VSIG1: variants seen among roughly 807,000 people sequenced by gnomAD.
VSIG1 encodes the protein V-set and immunoglobulin domain containing 1.
A neutral mutation model predicts 20.1 loss-of-function variants in VSIG1; 11 were observed. The ratio of observed to expected loss-of-function variants is 0.55; its 90% confidence interval spans 0.34 to 0.91. VSIG1 has a LOEUF of 0.91. Among genes scored for constraint, VSIG1 ranks in the 40% least tolerant of loss-of-function variants. The pLI is 0.02. For synonymous variants in VSIG1, 126 were observed against 116.7 expected (o/e 1.08, Z -0.52); for missense variants, 283 against 298.8 (o/e 0.95, Z 0.39).
rs755897703 is a variant in VSIG1, at chrX:108,075,317, G to T, written c.689-760G>T. On this transcript the variant is annotated intron_variant, in intron 5 of 6. Transcript: ENST00000217957. ...AAGAGTGGTTGCCTTTCGTGAATGG[G>T]ACTCAGAAACGGGAAGGAGTCGGGC... 3.6e-5 allele frequency among the ~76,000 whole-genome samples: 4 copies of T among 112,358 alleles called. No individual in the cohort carries two copies. The South Asian group carries it at 1.5e-3, about 42-fold the overall frequency.
chrX:108,073,515 T>C (rs960131590), intron 5 of VSIG1, 146 bp downstream of exon 5: 1 of 654,921 alleles, frequency 1.5e-6, no homozygotes, highest in Non-Finnish European at 2.3e-6. Context: ...ATATGATGAA[T>C]GACCATCCTA....
the VSIG1 span, among the ~76,000 whole-genome samples, chrX:108,024,089 T>C: frequency 1.8e-5 from 2 of 111,870 alleles, no homozygotes; most frequent in Non-Finnish European, 3.8e-5. Flanking sequence ...AACAGACAAA[T>C]ACAGAATCTG....
chrX:108,058,262 T>A, intron 2 of VSIG1, 61 bp downstream of exon 2: 1 of 1,078,607 alleles, frequency 9.3e-7, no homozygotes. Context: ...ACTGTTGGGG[T>A]AGAAAAAATG....
intron 1 of VSIG1, among the ~76,000 whole-genome samples, chrX:108,053,431 C>G (rs751180778): frequency 1.8e-5 from 2 of 111,088 alleles, no homozygotes; most frequent in South Asian, 7.6e-4. Flanking sequence ...ATGACTCACA[C>G]ATGAATGTTG....
At chrX:108,019,571 G>T in the VSIG1 span, among the ~76,000 whole-genome samples, 4 of 112,190 alleles carry the variant, frequency 3.6e-5, no homozygotes, top group Non-Finnish European at 7.5e-5. Flanking sequence ...TTGGCCCACA[G>T]TGTCTGCAGC....
At chrX:108,066,670 G>T (rs1307593690) in intron 2 of VSIG1, among the ~76,000 whole-genome samples, 3 of 111,772 alleles carry the variant, frequency 2.7e-5, no homozygotes, top group Non-Finnish European at 5.6e-5. Flanking sequence ...AATCCTGTCA[G>T]CTCCAGCTGC....
At chrX:108,073,707 C>T (rs2031297159) in intron 5 of VSIG1, 1 of 161,356 alleles carries the variant, frequency 6.2e-6, no homozygotes, top group African/African-American at 3.1e-5. Context: ...ATCCAGGTGA[C>T]ACTGTAGCTC....
At chrX:108,056,864 C>A (rs1037027294) in intron 1 of VSIG1, among the ~76,000 whole-genome samples, 2 of 111,723 alleles carry the variant, frequency 1.8e-5, no homozygotes, top group Non-Finnish European at 3.8e-5. Context: ...ATGCAACTGG[C>A]GTATGATCCA....
the VSIG1 span, among the ~76,000 whole-genome samples, chrX:108,039,611 A>C: frequency 9.0e-6 from 1 of 111,708 alleles, no homozygotes; most frequent in African/African-American, 3.3e-5. Context: ...TGCTGTGATA[A>C]GAATAGACTG....
chrX:108,072,973 A>C, intron 4 of VSIG1, 141 bp downstream of exon 4: 12 of 672,753 alleles, frequency 1.8e-5, no homozygotes, highest in Non-Finnish European at 2.4e-5. Flanking sequence ...GGCGGCTGGT[A>C]ATGTAAAAAG....
chrX:108,039,111 C>A, the VSIG1 span, among the ~76,000 whole-genome samples: 2 of 111,434 alleles, frequency 1.8e-5, no homozygotes, highest in Admixed American at 1.9e-4. Flanking sequence ...CCCCCATCAA[C>A]CACCTAGAAT....
chrX:108,048,678 G>A (rs2030721437), intron 1 of VSIG1, among the ~76,000 whole-genome samples: 1 of 112,420 alleles, frequency 8.9e-6, no homozygotes, highest in South Asian at 3.7e-4. Context: ...CTGACACTCA[G>A]AGAATCACCT....
chrX:108,021,014 T>C, the VSIG1 span, among the ~76,000 whole-genome samples: 1 of 111,763 alleles, frequency 8.9e-6, no homozygotes, highest in South Asian at 3.8e-4. Context: ...GAAATATTCC[T>C]CTCTTCAGGT....
At chrX:108,035,534 A>T in the VSIG1 span, among the ~76,000 whole-genome samples, 1 of 108,722 alleles carries the variant, frequency 9.2e-6, no homozygotes, top group Non-Finnish European at 1.9e-5. Context: ...TCCATTCTAG[A>T]TTCTCACTTT....
the VSIG1 span, among the ~76,000 whole-genome samples, chrX:108,025,988 T>A: frequency 8.9e-6 from 1 of 112,934 alleles, no homozygotes; most frequent in African/African-American, 3.2e-5. Flanking sequence ...TTAATGGTTT[T>A]TCCAGGGTTA....
At chrX:108,070,583 C>A (rs1390751319) in intron 3 of VSIG1, among the ~76,000 whole-genome samples, 2 of 112,052 alleles carry the variant, frequency 1.8e-5, no homozygotes, top group Non-Finnish European at 3.8e-5. Flanking sequence ...TGATGAAACA[C>A]CCCCATTTAA....
rs972214535 is a variant in VSIG1 at position 108,077,556 on chromosome X, C to T, written c.*175C>T. On this transcript the variant is annotated 3_prime_UTR_variant, in exon 7 of 7. Coordinates refer to ENST00000217957, the MANE Select transcript of VSIG1 (RefSeq NM_182607.5). ...CACGCCAAGATAACAGCTAAATCAGCAAGGGTTCCTGTATTACCAATATAG... is the reference window on the plus strand; with the variant it reads ...CACGCCAAGATAACAGCTAAATCAGTAAGGGTTCCTGTATTACCAATATAG... 2.0e-6 allele frequency: 1 copy of T among 512,741 alleles called. No individual in the cohort carries two copies. The highest frequency in any genetic ancestry group is 3.1e-6 in the Non-Finnish European group (1 of 320,136). 42.3% of individuals were successfully genotyped at this position (512,741 alleles called of 1,213,427 possible). A position where few individuals can be genotyped will look rare whatever the true frequency, so the allele number is the denominator to read the frequency against.
chrX:108,037,478 C>T, the VSIG1 span, among the ~76,000 whole-genome samples: 2 of 111,784 alleles, frequency 1.8e-5, no homozygotes, highest in African/African-American at 6.5e-5. Context: ...AGCCTCTTTA[C>T]TTTATGATTA....
intron 3 of VSIG1, 89 bp downstream of exon 3, chrX:108,067,223 T>C: frequency 1.0e-6 from 1 of 964,438 alleles, no homozygotes; most frequent in East Asian, 3.1e-5. Flanking sequence ...GCCAATTAAG[T>C]CTCTGTAGGT....
Sources: allele counts gnomAD v4.1 joint callset (sites outside exome capture counted in the v4.1 genomes callset), GRCh38; gene constraint gnomAD v4.1.1; transcripts MANE v1.5; gene names NCBI Gene and HGNC (gene_info 2026-07-23, HGNC 2026-07-21).